The following VSX2 variants were observed in gnomAD, a reference collection of about 807,000 sequenced individuals.
VSX2 encodes visual system homeobox 2, also known as ceh-10 homeo domain containing homolog.
Under a neutral mutation model 32.1 loss-of-function variants are expected in VSX2, and 28 were observed. The observed-to-expected ratio is 0.87, with a 90% confidence interval of 0.65 to 1.20. VSX2 has a LOEUF of 1.20. Ranked by LOEUF, VSX2 falls within the 50% of genes most tolerant of loss-of-function variation. The probability of loss-of-function intolerance (pLI) is 0.00; values close to 1 mark genes in which losing one functional copy is unlikely to be tolerated. For synonymous variants in VSX2, 243 were observed against 214.1 expected (o/e 1.14, Z -1.18); for missense variants, 506 against 488.7 (o/e 1.04, Z -0.33).
rs1380055356 is a variant in VSX2, at chr14:74,245,000, G to GAC, written c.456-164_456-163insCA. On this transcript the variant is annotated intron_variant, in intron 2 of 4. Coordinates refer to ENST00000261980, the MANE Select transcript of VSX2 (RefSeq NM_182894.3). The stretch of plus-strand genomic sequence containing the variant: ...TGTGTGTGAGAGAGAGAGAGAGAGA[G>GAC]AGAGAGACAGAGAGAGAGAGAGAGA... Among the ~76,000 whole-genome samples the GAC allele has an allele frequency of 3.9e-4, 50 of 127,780 alleles. 1 individual carries two copies. Among genetic ancestry groups the GAC allele is most frequent in the Non-Finnish European group, 6.3e-4 (36 of 57,172 alleles). 83.8% of individuals were successfully genotyped at this position (127,780 alleles called of 152,430 possible). A position where few individuals can be genotyped will look rare whatever the true frequency, so the allele number is the denominator to read the frequency against.
intron 2 of VSX2, among the ~76,000 whole-genome samples, chr14:74,242,565 T>C (rs2079157442): frequency 6.6e-6 from 1 of 152,146 alleles, no homozygotes; most frequent in Non-Finnish European, 1.5e-5. Flanking sequence ...TTAGTTTGTA[T>C]TGTTTTATTT....
At chr14:74,242,499 G>A (rs373992992) in intron 2 of VSX2, among the ~76,000 whole-genome samples, 4 of 152,004 alleles carry the variant, frequency 2.6e-5, no homozygotes, top group African/African-American at 9.7e-5. Flanking sequence ...GGTGAACTTC[G>A]ACTTGGTTTC....
At position 74,260,631 on chromosome 14, in the gene VSX2, G is replaced by A. The variant is rs189139917; in HGVS notation, c.798G>A (p.Ser266=). 115 of 1,607,510 alleles carry A rather than the reference G, an allele frequency of 7.2e-5. No individual in the cohort carries two copies. The highest frequency in any genetic ancestry group is 1.7e-4 in the Middle Eastern group (1 of 6,046). The change falls in exon 5 of 5, where the codon TCG becomes TCA. Residue 266 remains serine (S), a synonymous_variant. Transcript: ENST00000261980. The part of the protein sequence containing the change: ...HKKSLEAAAE[S]GRKPEGERQA... The stretch of plus-strand genomic sequence containing the variant: ...AGTCGCTGGAGGCAGCAGCCGAGTC[G>A]GGGAGGAAGCCCGAGGGGGAACGCC...
In VSX2 at chr14:74,252,680, C is replaced by T. The variant is rs79749693; in HGVS notation, c.580-6922C>T. ...CTAGGATTACAGGCATGAGCCACTG[C>T]GCTTGGCCAACCTGGGCTTTCTGAT... is the stretch of plus-strand genomic sequence containing the variant. On this transcript the variant is annotated intron_variant, in intron 3 of 4. Coordinates refer to ENST00000261980, the MANE Select transcript of VSX2 (RefSeq NM_182894.3). Among the ~76,000 whole-genome samples the T allele has an allele frequency of 5.4e-3, 824 of 152,014 alleles. 15 individuals are homozygous for T. The highest frequency in any genetic ancestry group is 0.027 in the Admixed American group (417 of 15,274).
At chr14:74,255,879 C>T (rs773546478) in intron 3 of VSX2, among the ~76,000 whole-genome samples, 4 of 152,198 alleles carry the variant, frequency 2.6e-5, no homozygotes, top group Non-Finnish European at 4.4e-5. Context: ...TGGCAAAAAC[C>T]GGACCAGACC....
intron 2 of VSX2, among the ~76,000 whole-genome samples, chr14:74,241,780 C>CT (rs1186049524): frequency 6.6e-6 from 1 of 152,182 alleles, no homozygotes; most frequent in Non-Finnish European, 1.5e-5. Flanking sequence ...AGAGCATTTT[C>CT]TTTTGGCTTC....
intron 2 of VSX2, among the ~76,000 whole-genome samples, chr14:74,243,585 T>C (rs73309213): frequency 0.021 from 3,224 of 152,196 alleles, 116 homozygotes; most frequent in African/African-American, 0.074. Flanking sequence ...AATTTCTTTA[T>C]TGTTTATTTT....
chr14:74,244,613 G>C (rs142161015), intron 2 of VSX2, among the ~76,000 whole-genome samples: 1 of 152,212 alleles, frequency 6.6e-6, no homozygotes, highest in African/African-American at 2.4e-5. Context: ...GGCCCAGGAA[G>C]CTGGTCTGGG....
intron 2 of VSX2, 64 bp from the exon 3 acceptor site, chr14:74,245,101 G>A (rs2079183386): frequency 1.9e-6 from 3 of 1,607,300 alleles, no homozygotes; most frequent in African/African-American, 1.3e-5. Flanking sequence ...AGGCGGTTCT[G>A]TCTTGTCTGA....
chr14:74,247,065 T>C (rs2079197201), intron 3 of VSX2, among the ~76,000 whole-genome samples: 1 of 152,034 alleles, frequency 6.6e-6, no homozygotes, highest in Non-Finnish European at 1.5e-5. Context: ...CTGTGAGGAT[T>C]GGCTCTGCAA....
chr14:74,240,296 C>G (rs1411312706), intron 1 of VSX2, among the ~76,000 whole-genome samples: 1 of 152,222 alleles, frequency 6.6e-6, no homozygotes, highest in Non-Finnish European at 1.5e-5. Context: ...CCACTGCGGC[C>G]CCGGCCTGGT....
rs762750114 is a variant in VSX2, at chr14:74,260,646, G to A, written c.813G>A (p.Glu271=). ...EAAAESGRKP[E]GERQALPKLD... The stretch of plus-strand genomic sequence containing the variant: ...CAGCCGAGTCGGGGAGGAAGCCCGA[G>A]GGGGAACGCCAGGCCCTGCCCAAGC... The change falls in exon 5 of 5, where the codon GAG becomes GAA. Residue 271 remains glutamate (E), a synonymous_variant. Coordinates refer to ENST00000261980, the MANE Select transcript of VSX2 (RefSeq NM_182894.3). The A allele has an allele frequency of 3.7e-6, 6 of 1,606,088 alleles. No homozygotes were observed. The highest frequency in any genetic ancestry group is 5.1e-6 in the Non-Finnish European group (6 of 1,176,932).
At chr14:74,245,705 A>G (rs1265431541) in intron 3 of VSX2, among the ~76,000 whole-genome samples, 3 of 152,038 alleles carry the variant, frequency 2.0e-5, no homozygotes, top group Admixed American at 2.0e-4. Context: ...GGTGGCTTCT[A>G]GTCCTGACCC....
chr14:74,241,323 G>T, intron 2 of VSX2, 57 bp downstream of exon 2: 3 of 1,575,196 alleles, frequency 1.9e-6, no homozygotes, highest in Non-Finnish European at 1.7e-6. Context: ...GCCGTCCCCC[G>T]TTCCGGGATC....
chr14:74,242,248 AG>A (rs1594753536), intron 2 of VSX2, among the ~76,000 whole-genome samples: 1 of 152,212 alleles, frequency 6.6e-6, no homozygotes, highest in East Asian at 1.9e-4. Flanking sequence ...CGTCCCCATC[AG>A]GTGGGGCCGC....
At chr14:74,253,630 A>C (rs2079243379) in intron 3 of VSX2, among the ~76,000 whole-genome samples, 1 of 152,196 alleles carries the variant, frequency 6.6e-6, no homozygotes, top group African/African-American at 2.4e-5. Flanking sequence ...GAAGCTCAGA[A>C]AGGTTAAGAA....
At chr14:74,251,199 C>T (rs59297744) in intron 3 of VSX2, among the ~76,000 whole-genome samples, 122,379 of 151,842 alleles carry the variant, frequency 0.81, 49,779 homozygotes, top group Admixed American at 0.88. Flanking sequence ...CCTGTAATCC[C>T]AGCACTTTGG....
intron 3 of VSX2, among the ~76,000 whole-genome samples, chr14:74,252,177 G>A (rs996197864): frequency 2.0e-5 from 3 of 152,212 alleles, no homozygotes; most frequent in Admixed American, 2.0e-4. Flanking sequence ...GTGAGGCATG[G>A]CCTCGGCTGT....
rs2079310479 is a variant in VSX2, at chr14:74,261,901, G to A, written c.*982G>A. The stretch of plus-strand genomic sequence containing the variant: ...TATGAGTTCACATGTGCCCTGCCTT[G>A]AACAACCCAATCTGGCTGGTAAATG... On this transcript the variant is annotated 3_prime_UTR_variant, in exon 5 of 5. Coordinates refer to ENST00000261980, the MANE Select transcript of VSX2 (RefSeq NM_182894.3). The A allele has an allele frequency of 6.6e-6, 1 of 152,246 alleles. No homozygotes were observed. The highest frequency in any genetic ancestry group is 2.1e-4 in the South Asian group (1 of 4,828). 9.4% of individuals were successfully genotyped at this position (152,246 alleles called of 1,614,324 possible).
Sources: gnomAD v4.1 joint callset for allele counts (sites outside exome capture counted in the v4.1 genomes callset) on GRCh38, gnomAD v4.1.1 for gene constraint, MANE v1.5 for transcripts, NCBI Gene and HGNC (gene_info 2026-07-23, HGNC 2026-07-21) for gene names.